The following STAT1 variants were observed in gnomAD, a reference collection of about 807,000 sequenced individuals.
STAT1 encodes signal transducer and activator of transcription 1, also known as signal transducer and activator of transcription 1-alpha/beta.
Under a neutral mutation model 111.7 loss-of-function variants are expected in STAT1, and 24 were observed. The ratio of observed to expected loss-of-function variants is 0.21; its 90% CI spans 0.16 to 0.30. The LOEUF is 0.30. Ranked by LOEUF, STAT1 falls within the 10% of genes least tolerant of loss-of-function variation. The pLI is 1.00. For synonymous variants in STAT1, 332 were observed against 326.5 expected (o/e 1.02, Z -0.18); for missense variants, 351 against 911.9 (o/e 0.38, Z 7.92).
In STAT1 at chr2:190,975,269, A is replaced by C; in HGVS notation, c.2136-337T>G. On this transcript the variant is annotated intron_variant, in intron 23 of 24. Transcript: ENST00000361099. The surrounding 1 kb of genome is among the most constrained non-coding windows in gnomAD (Gnocchi z 5.9). ...ATGCCTCGTGGCTTACCCTGGACAG[A>C]AAAGCACCAGAGAAATGTCTGGGGA... 2.1e-6 allele frequency: 1 copy of C among 471,142 alleles called. No homozygotes were observed. Among genetic ancestry groups the C allele is most frequent in the Non-Finnish European group, 4.3e-6 (1 of 232,560 alleles). 29.2% of individuals were successfully genotyped at this position (471,142 alleles called of 1,614,324 possible).
rs914867049 is a variant in STAT1, at chr2:190,997,445, A to G, written c.785+411T>C. ...GCCCAGGTCCTACAGTGCCCGGCAC[A>G]CAGTAGGCATTTAATAAGTATTACT... On this transcript the variant is annotated intron_variant, in intron 9 of 24. Transcript: ENST00000361099. The surrounding 1 kb of genome is among the most constrained non-coding windows in gnomAD (Gnocchi z 7.3). Among the ~76,000 whole-genome samples the G allele has an allele frequency of 1.3e-5, 2 of 152,238 alleles. No homozygotes were observed. The highest frequency in any genetic ancestry group is 4.8e-5 in the African/African-American group (2 of 41,464).
chr2:191,013,368 T>A (rs541560090), intron 2 of STAT1, among the ~76,000 whole-genome samples, 157 bp downstream of exon 2: 1 of 142,612 alleles, frequency 7.0e-6, no homozygotes, highest in South Asian at 2.3e-4. Flanking sequence ...GAAATTTTTT[T>A]AAGACTATAT....
rs549556188 is a variant in STAT1 at position 190,984,533 on chromosome 2, T to C, written c.1264-140A>G. ...AAGTCTGAAGACTCAATATTCAATCTCTCCCAGATTTAATGATTCTTAGTA... is the reference window on the plus strand; with the variant it reads ...AAGTCTGAAGACTCAATATTCAATCCCTCCCAGATTTAATGATTCTTAGTA... On this transcript the variant is annotated intron_variant, in intron 15 of 24. Transcript: ENST00000361099. This position sits in a 1 kb window ranked among gnomAD's most constrained non-coding sequence, Gnocchi z 5.2. The C allele has an allele frequency of 7.6e-4, 537 of 703,956 alleles. 2 individuals carry two copies. Among genetic ancestry groups the C allele is most frequent in the Non-Finnish European group, 1.1e-3 (425 of 394,864 alleles). The allele number at this position is 703,956 out of a possible 1,614,324, so 43.6% of individuals were successfully genotyped here.
In STAT1 at chr2:190,986,065, C is replaced by G. The variant is rs1462922955; in HGVS notation, c.1222-405G>C. ...CCTGCCCTCAAGTGGACGTCAATCT[C>G]TGAGCTGTCAATCCCTGAGCTGACG... On this transcript the variant is annotated intron_variant, in intron 14 of 24. Coordinates refer to ENST00000361099, the MANE Select transcript of STAT1 (RefSeq NM_007315.4). This position sits in a 1 kb window ranked among gnomAD's most constrained non-coding sequence, Gnocchi z 5.0. 6.6e-6 allele frequency among the ~76,000 whole-genome samples: 1 copy of G among 152,204 alleles called. No homozygotes were observed. Among genetic ancestry groups the G allele is most frequent in the Non-Finnish European group, 1.5e-5 (1 of 68,034 alleles).
chr2:190,985,067 A>C (rs1378165773), intron 15 of STAT1, among the ~76,000 whole-genome samples: 2 of 152,232 alleles, frequency 1.3e-5, no homozygotes, highest in Non-Finnish European at 2.9e-5. Flanking sequence ...GTGTGCATAA[A>C]TGACGAAAGT....
In STAT1 at chr2:190,991,334, G is replaced by A; in HGVS notation, c.945-14C>T. 2 of 1,613,204 alleles carry A rather than the reference G, an allele frequency of 1.2e-6. No individual in the cohort carries two copies. The highest frequency in any genetic ancestry group is 8.5e-7 in the Non-Finnish European group (1 of 1,179,280). On this transcript the variant is annotated splice_polypyrimidine_tract_variant and intron_variant, in intron 10 of 24. Coordinates refer to ENST00000361099, the MANE Select transcript of STAT1 (RefSeq NM_007315.4). ...ACCACAAACGAGCTGCAAATACCCA[G>A]CAAAGGATAGATAAGTTAGCATTTC... is the stretch of plus-strand genomic sequence containing the variant.
In STAT1 at chr2:190,978,718, CGGG is replaced by C. The variant is rs1692103342; in HGVS notation, c.1873+135_1873+137del. 9.4e-7 allele frequency: 1 copy of C among 1,067,512 alleles called. No individual in the cohort carries two copies. Among genetic ancestry groups the C allele is most frequent in the Non-Finnish European group, 1.4e-6 (1 of 720,428 alleles). The allele number at this position is 1,067,512 out of a possible 1,614,324, so 66.1% of individuals were successfully genotyped here. ...TTTGTGGTGGTTTATTAAATCCTAT[CGGG>C]GGCTCATTTGGGGTAAGTATAAGAT... On this transcript the variant is annotated intron_variant, in intron 21 of 24. Transcript: ENST00000361099. This position sits in a 1 kb window ranked among gnomAD's most constrained non-coding sequence, Gnocchi z 6.1.
At position 190,999,030 on chromosome 2, in the gene STAT1, T is replaced by TA. The variant is rs1289683423; in HGVS notation, c.541+595dup. ...GATGAATAGAGTAACAGCAGTACCCTACGTGTCCTACACAATGTACATTCT... is the reference window on the plus strand; with the variant it reads ...GATGAATAGAGTAACAGCAGTACCCTAACGTGTCCTACACAATGTACATTCT... On this transcript the variant is annotated intron_variant, in intron 7 of 24. Transcript: ENST00000361099. The surrounding 1 kb of genome is among the most constrained non-coding windows in gnomAD (Gnocchi z 4.1). Among the ~76,000 whole-genome samples, 1 of 152,170 alleles carries TA rather than the reference T, an allele frequency of 6.6e-6. No homozygotes were observed. Among genetic ancestry groups the TA allele is most frequent in the African/African-American group, 2.4e-5 (1 of 41,456 alleles).
At chr2:191,013,042 T>C (rs1242521481) in intron 2 of STAT1, among the ~76,000 whole-genome samples, 1 of 151,918 alleles carries the variant, frequency 6.6e-6, no homozygotes, top group Non-Finnish European at 1.5e-5. Context: ...GGGGGTAGAG[T>C]AGTGGGGTAT....
chr2:191,013,753 G>A (rs1405127855), intron 1 of STAT1, 75 bp from the exon 2 acceptor site: 2 of 398,496 alleles, frequency 5.0e-6, no homozygotes, highest in Non-Finnish European at 8.8e-6. Flanking sequence ...GGAAGGTGCA[G>A]TGCCTTCTAG....
intron 4 of STAT1, 104 bp downstream of exon 4, chr2:191,008,859 C>G (rs898268133): frequency 1.0e-5 from 13 of 1,274,998 alleles, no homozygotes; most frequent in Non-Finnish European, 1.4e-5. Context: ...TATTACTTCT[C>G]TAAATACCAA....
chr2:190,995,018 T>C lies in STAT1; in HGVS notation c.944+43A>G, dbSNP rs768987340. The C allele has an allele frequency of 3.1e-6, 5 of 1,593,578 alleles. No homozygotes were observed. In the East Asian group the frequency reaches 6.7e-5, roughly 21 times the overall value. On this transcript the variant is annotated intron_variant, in intron 10 of 24. Coordinates refer to ENST00000361099, the MANE Select transcript of STAT1 (RefSeq NM_007315.4). This position sits in a 1 kb window ranked among gnomAD's most constrained non-coding sequence, Gnocchi z 4.2. ...ATTAACGGTAAAATGTTCCTCTGTA[T>C]AGACCGATTACAGAAGGTACAAATA...
intron 14 of STAT1, 22 bp from the exon 15 acceptor site, chr2:190,985,682 T>C (rs1429167531): frequency 6.2e-7 from 1 of 1,613,014 alleles, no homozygotes; most frequent in Admixed American, 1.7e-5. Flanking sequence ...ATAATCATCT[T>C]AGTAAACACC....
rs1691972907 is a variant in STAT1 at position 190,977,192 on chromosome 2, A to C, written c.1874-167T>G. Among the ~76,000 whole-genome samples, 1 of 152,234 alleles carries C rather than the reference A, an allele frequency of 6.6e-6. No individual in the cohort carries two copies. The highest frequency in any genetic ancestry group is 1.5e-5 in the Non-Finnish European group (1 of 68,040). On this transcript the variant is annotated intron_variant, in intron 21 of 24. Transcript: ENST00000361099. The surrounding 1 kb of genome is among the most constrained non-coding windows in gnomAD (Gnocchi z 4.7). ...AGACTGCTTTATTTCTAAATAAATT[A>C]TAATACTGTCTCAGGGAAAATAAAG...
rs1693522849 is a variant in STAT1 at position 190,993,204 on chromosome 2, C to T, written c.944+1857G>A. 3 of 548,630 alleles carry T rather than the reference C, an allele frequency of 5.5e-6. No individual in the cohort carries two copies. Among genetic ancestry groups the T allele is most frequent in the Non-Finnish European group, 1.0e-5 (3 of 291,314 alleles). The allele number at this position is 548,630 out of a possible 1,614,324, so 34.0% of individuals were successfully genotyped here. On this transcript the variant is annotated intron_variant, in intron 10 of 24. Transcript: ENST00000361099. This position sits in a 1 kb window ranked among gnomAD's most constrained non-coding sequence, Gnocchi z 4.1. Reference sequence around the variant, plus strand: ...GTGGTCAGATCACACTTGTTCCCTACCAACAATTTGTTGACGTTTTCACTG... The same window carrying T: ...GTGGTCAGATCACACTTGTTCCCTATCAACAATTTGTTGACGTTTTCACTG...
Position 190,991,278 on chromosome 2 carries a change from A to C in STAT1, c.987T>G (p.Pro329=), listed in dbSNP as rs1187374790. 3.1e-6 allele frequency: 5 copies of C among 1,613,960 alleles called. No homozygotes were observed. In the Admixed American group the frequency reaches 8.3e-5, roughly 27 times the overall value. Residue 329 remains proline (P), a synonymous_variant, in exon 11 of 25, where the codon CCT becomes CCG. Transcript: ENST00000361099. Reference sequence around the variant, plus strand: ...CTGTCTTCAAGACCAGCGGCCTCTGAGGGTGCGTTGGCATGCAGGGCTGTC... The same window carrying C: ...CTGTCTTCAAGACCAGCGGCCTCTGCGGGTGCGTTGGCATGCAGGGCTGTC... ...VERQPCMPTH[P]QRPLVLKTGV...
intron 10 of STAT1, among the ~76,000 whole-genome samples, chr2:190,991,734 A>ATTAG (rs772441652): frequency 5.9e-4 from 89 of 151,840 alleles, no homozygotes; most frequent in Non-Finnish European, 1.0e-3. Context: ...GGCGTGGCTA[A>ATTAG]TTAGTCCCAA....
Position 190,975,879 on chromosome 2 carries a change from G to A in STAT1, c.2068C>T (p.Pro690Ser), listed in dbSNP as rs2124996859. 1 of 1,613,614 alleles carries A rather than the reference G, an allele frequency of 6.2e-7. No homozygotes were observed. Among genetic ancestry groups the A allele is most frequent in the Non-Finnish European group, 8.5e-7 (1 of 1,179,576 alleles). The change falls in exon 23 of 25, where the codon CCA (proline) becomes TCA (serine). Residue 690 changes from proline (P) to serine (S), a missense_variant. Pro to Ser is a moderately conservative substitution (Grantham distance 74, BLOSUM62 -1). Coordinates refer to ENST00000361099, the MANE Select transcript of STAT1 (RefSeq NM_007315.4). This position sits in a 1 kb window ranked among gnomAD's most constrained non-coding sequence, Gnocchi z 5.9. ...CCTTTAGGGCCATCAAGTTCCATTGGCTCTGGTGCTAGAAATAAACACATT... is the reference window on the plus strand; with the variant it reads ...CCTTTAGGGCCATCAAGTTCCATTGACTCTGGTGCTAGAAATAAACACATT... ...YYSRPKEAPEPMELDGPKGTG... is the reference protein window; with the variant it reads ...YYSRPKEAPESMELDGPKGTG...
In STAT1 at chr2:190,995,286, A is replaced by C. The variant is rs35178261; in HGVS notation, c.786-67T>G. ...CCAGAAGCAGCCTGGATTAAAGGGA[A>C]TCATGGTATATTAGTCCATTCTCAT... On this transcript the variant is annotated intron_variant, in intron 9 of 24. Coordinates refer to ENST00000361099, the MANE Select transcript of STAT1 (RefSeq NM_007315.4). The surrounding 1 kb of genome is among the most constrained non-coding windows in gnomAD (Gnocchi z 4.2). 0.029 allele frequency: 41,967 copies of C among 1,464,114 alleles called. 814 individuals are homozygous for C. The highest frequency in any genetic ancestry group is 0.037 in the Non-Finnish European group (38,212 of 1,046,722). The allele number at this position is 1,464,114 out of a possible 1,614,324, so 90.7% of individuals were successfully genotyped here.
Sources: allele counts gnomAD v4.1 joint callset (sites outside exome capture counted in the v4.1 genomes callset), GRCh38; gene constraint gnomAD v4.1.1; non-coding constraint Gnocchi (gnomAD v3.1); transcripts MANE v1.5; gene names NCBI Gene and HGNC (gene_info 2026-07-23, HGNC 2026-07-21).